MYBBP1A: variants seen among roughly 807,000 people sequenced by gnomAD.
MYBBP1A encodes the protein MYB binding protein 1a.
Under a neutral mutation model 136.3 loss-of-function variants are expected in MYBBP1A, and 147 were observed. The ratio of observed to expected loss-of-function variants is 1.08; its 90% CI spans 0.94 to 1.24. The LOEUF is 1.24. MYBBP1A is among the 50% of genes most tolerant of loss of function. The probability of loss-of-function intolerance (pLI) is 0.00; values close to 1 mark genes in which losing one functional copy is unlikely to be tolerated. For synonymous variants in MYBBP1A, 947 were observed against 735.8 expected (o/e 1.29, Z -4.65); for missense variants, 2,060 against 1,727.4 (o/e 1.19, Z -3.41).
At chr17:4,541,307 C>T (rs544711113) in intron 24 of MYBBP1A, among the ~76,000 whole-genome samples, 156 bp downstream of exon 24, 47 of 152,394 alleles carry the variant, frequency 3.1e-4, no homozygotes, top group African/African-American at 1.1e-3. Flanking sequence ...GGTAACTGCC[C>T]AAATGGCAGC....
Position 4,539,214 on chromosome 17 carries a change from C to G in MYBBP1A, c.*201G>C, listed in dbSNP as rs1906096538. On this transcript the variant is annotated 3_prime_UTR_variant, in exon 26 of 26. Coordinates refer to ENST00000254718, the MANE Select transcript of MYBBP1A (RefSeq NM_014520.4). ...CCCAGAACCGGGGGTGGGGAGGTCT[C>G]TGCACCCTGGGACCCCTGCAGGAAT... 2.8e-5 allele frequency: 41 copies of G among 1,458,066 alleles called. No homozygotes were observed. Among genetic ancestry groups the G allele is most frequent in the Non-Finnish European group, 3.6e-5 (40 of 1,115,408 alleles). The allele number at this position is 1,458,066 out of a possible 1,614,324, so 90.3% of individuals were successfully genotyped here. A position where few individuals can be genotyped will look rare whatever the true frequency, so the allele number is the denominator to read the frequency against.
Position 4,555,370 on chromosome 17 carries a change from A to G in MYBBP1A, c.-46T>C, listed in dbSNP as rs1210581003. On this transcript the variant is annotated 5_prime_UTR_variant, in exon 1 of 26. Coordinates refer to ENST00000254718, the MANE Select transcript of MYBBP1A (RefSeq NM_014520.4). ...CACGAAACACGTGTGCTCCGGCCCC[A>G]GCCGCTTCCAGGTCAGGGCACGGCG... 1.3e-6 allele frequency: 2 copies of G among 1,554,068 alleles called. No individual in the cohort carries two copies. The highest frequency in any genetic ancestry group is 1.7e-6 in the Non-Finnish European group (2 of 1,148,392).
rs1392357426 is a variant in MYBBP1A, at chr17:4,539,494, G to A, written c.3908C>T (p.Ser1303Phe). The A allele has an allele frequency of 1.2e-6, 2 of 1,614,066 alleles. No homozygotes were observed. The highest frequency in any genetic ancestry group is 1.3e-5 in the African/African-American group (1 of 74,932). Reference protein sequence around the residue: ...SALARKKARLSLVIRSPSLLQ... With the variant: ...SALARKKARLFLVIRSPSLLQ... ...CAGGCTGGGACTCCTGATGACCAAA[G>A]ACAGCCTTGCCTTTTTCCGTGCCAG... is the stretch of plus-strand genomic sequence containing the variant. Residue 1303 changes from serine to phenylalanine, a missense_variant, in exon 26 of 26, where the codon TCT (serine) becomes TTT (phenylalanine). Coordinates refer to ENST00000254718, the MANE Select transcript of MYBBP1A (RefSeq NM_014520.4).
In MYBBP1A at chr17:4,552,219, G is replaced by A. The variant is rs767519717; in HGVS notation, c.811C>T (p.Leu271=). 45 of 1,614,098 alleles carry A rather than the reference G, an allele frequency of 2.8e-5. 1 individual carries two copies. In the African/African-American group the frequency reaches 5.2e-4, roughly 19 times the overall value. Reference sequence around the variant, plus strand: ...TCTTCCTTGAGTGCCAGGCGGAGCAGGTCCAGAGCAATGGCGGGCAGCTTG... The same window carrying A: ...TCTTCCTTGAGTGCCAGGCGGAGCAAGTCCAGAGCAATGGCGGGCAGCTTG... ...DRKLPAIALD[L]LRLALKEDKF... is the part of the protein sequence containing the mutation. Residue 271 remains leucine (L), a synonymous_variant, in exon 7 of 26, where the codon CTG becomes TTG. Transcript: ENST00000254718. This position sits in a 1 kb window ranked among gnomAD's most constrained non-coding sequence, Gnocchi z 4.7.
Position 4,551,878 on chromosome 17 carries a change from A to T in MYBBP1A, c.1023+2T>A. On this transcript the variant is annotated splice_donor_variant, in intron 8 of 25. Coordinates refer to ENST00000254718, the MANE Select transcript of MYBBP1A (RefSeq NM_014520.4). LOFTEE classifies it high-confidence loss of function. ...GTGTCGAGCTGCACGGGCATTACCC[A>T]CCTTAGCAGTGCACACGTGCTCCCC... The T allele has an allele frequency of 6.2e-7, 1 of 1,612,198 alleles. No individual in the cohort carries two copies. Among genetic ancestry groups the T allele is most frequent in the South Asian group, 1.1e-5 (1 of 90,936 alleles).
chr17:4,547,654 TA>T, intron 13 of MYBBP1A: 6 of 326,228 alleles, frequency 1.8e-5, no homozygotes, highest in Admixed American at 4.5e-5. Flanking sequence ...CAGCAGGGGG[TA>T]CAGTGCAAGC....
At chr17:4,545,549 G>A (rs1420631332) in intron 15 of MYBBP1A, 61 bp downstream of exon 15, 3 of 1,531,244 alleles carry the variant, frequency 2.0e-6, no homozygotes, top group Non-Finnish European at 2.6e-6. Flanking sequence ...CGGCACCCCT[G>A]GTGCAGCTCG....
rs375660173 is a variant in MYBBP1A at position 4,544,720 on chromosome 17, G to A, written c.2481+31C>T. On this transcript the variant is annotated intron_variant, in intron 18 of 25. Transcript: ENST00000254718. ...GGCGGGGGTGGGCGCACAGGGAGGC[G>A]GGGGTGGGTGCGGCCCGCCCCCAGG... is the stretch of plus-strand genomic sequence containing the variant. 2.4e-4 allele frequency: 357 copies of A among 1,506,186 alleles called. 3 individuals carry two copies. Among genetic ancestry groups the A allele is most frequent in the Middle Eastern group, 9.0e-4 (5 of 5,550 alleles). 93.3% of individuals were successfully genotyped at this position (1,506,186 alleles called of 1,614,324 possible).
At position 4,539,505 on chromosome 17, in the gene MYBBP1A, C is replaced by A; in HGVS notation, c.3897G>T (p.Lys1299Asn). 6.2e-7 allele frequency: 1 copy of A among 1,614,174 alleles called. No individual in the cohort carries two copies. Among genetic ancestry groups the A allele is most frequent in the African/African-American group, 1.3e-5 (1 of 75,040 alleles). The change falls in exon 26 of 26, where the codon AAG becomes AAT. Residue 1299 changes from lysine (K) to asparagine (N), a missense_variant. Physicochemically the swap from Lys to Asn is moderately conservative, Grantham distance 94. Transcript: ENST00000254718. ...TCCTGATGACCAAAGACAGCCTTGC[C>A]TTTTTCCGTGCCAGCGCGGACAGTG... ...KSPLSALARKKARLSLVIRSP... is the reference protein window; with the variant it reads ...KSPLSALARKNARLSLVIRSP...
At chr17:4,549,122 A>AACCTTTTAGGCCCCTGCAGCTGGGGT (rs1907276851) in intron 10 of MYBBP1A, among the ~76,000 whole-genome samples, 1 of 152,156 alleles carries the variant, frequency 6.6e-6, no homozygotes, top group African/African-American at 2.4e-5. Flanking sequence ...AGCACACCTG[A>AACCTTTTAGGCCCCTGCAGCTGGGGT]ACCTTTTAGG....
At chr17:4,541,984 T>G (rs755274634) in intron 22 of MYBBP1A, 93 bp from the exon 23 acceptor site, 2 of 919,800 alleles carry the variant, frequency 2.2e-6, no homozygotes, top group Non-Finnish European at 3.4e-6. Flanking sequence ...CGCTGGGCAC[T>G]GCTGTGGGCA....
chr17:4,554,348 A>C (rs1907833880), intron 2 of MYBBP1A, 70 bp from the exon 3 acceptor site: 1 of 1,369,494 alleles, frequency 7.3e-7, no homozygotes, highest in Non-Finnish European at 1.0e-6. Flanking sequence ...CACAAACCTT[A>C]ACCTCCCTTC....
At position 4,544,847 on chromosome 17, in the gene MYBBP1A, G is replaced by C; in HGVS notation, c.2385C>G (p.Ser795Arg). Residue 795 changes from serine to arginine, a missense_variant, in exon 18 of 26, where the codon AGC (serine) becomes AGG (arginine). Coordinates refer to ENST00000254718, the MANE Select transcript of MYBBP1A (RefSeq NM_014520.4). ...AMMALDQSLA[S>R]LFAEQKLRIQ... is the part of the protein sequence containing the mutation. ...TACGCAGCTTCTGCTCGGCAAAGAG[G>C]CTGGCGAGGCTCTGGTCCAGGGCCA... is the stretch of plus-strand genomic sequence containing the variant. 1 of 1,607,300 alleles carries C rather than the reference G, an allele frequency of 6.2e-7. No homozygotes were observed. The highest frequency in any genetic ancestry group is 8.5e-7 in the Non-Finnish European group (1 of 1,177,550).
intron 13 of MYBBP1A, 87 bp downstream of exon 13, chr17:4,547,871 C>G (rs925810220): frequency 3.4e-6 from 4 of 1,187,198 alleles, no homozygotes; most frequent in African/African-American, 1.6e-5. Flanking sequence ...CCTGGAAACC[C>G]GCACAGCCCT....
At chr17:4,547,305 T>G (rs1245416577) in intron 13 of MYBBP1A, among the ~76,000 whole-genome samples, 2 of 152,160 alleles carry the variant, frequency 1.3e-5, no homozygotes, top group African/African-American at 2.4e-5. Context: ...AGGCTCCACA[T>G]GTGTCCTGGA....
At position 4,540,456 on chromosome 17, in the gene MYBBP1A, A is replaced by G. The variant is rs1272705108; in HGVS notation, c.3326T>C (p.Leu1109Pro). 8.1e-6 allele frequency: 13 copies of G among 1,610,598 alleles called. No homozygotes were observed. Among genetic ancestry groups the G allele is most frequent in the Non-Finnish European group, 1.1e-5 (13 of 1,179,516 alleles). ...CTGCTGTTGCCCCTGCAGCACACCC[A>G]GGAGCACCGTCAGGTCCAAGGTCAG... is the stretch of plus-strand genomic sequence containing the variant. ...EKLTLDLTVL[L>P]GVLQGQQQSL... The change falls in exon 25 of 26, where the codon CTG (leucine) becomes CCG (proline). Residue 1109 changes from leucine to proline, a missense_variant. Physicochemically the swap from Leu to Pro is moderately conservative, Grantham distance 98. Coordinates refer to ENST00000254718, the MANE Select transcript of MYBBP1A (RefSeq NM_014520.4).
intron 13 of MYBBP1A, 60 bp downstream of exon 13, chr17:4,547,898 G>A: frequency 7.5e-7 from 1 of 1,340,278 alleles, no homozygotes; most frequent in Non-Finnish European, 9.9e-7. Context: ...CCTCTCGGTA[G>A]GGGGCCCATT....
intron 8 of MYBBP1A, among the ~76,000 whole-genome samples, chr17:4,551,315 C>A (rs1907482345): frequency 6.6e-6 from 1 of 152,248 alleles, no homozygotes; most frequent in African/African-American, 2.4e-5. Flanking sequence ...CTGTTCTCAT[C>A]ACTGCCACAT....
rs747135749 is a variant in MYBBP1A, at chr17:4,552,199, C to T, written c.831G>A (p.Lys277=). 6.2e-7 allele frequency: 1 copy of T among 1,614,236 alleles called. No homozygotes were observed. The highest frequency in any genetic ancestry group is 1.7e-5 in the Admixed American group (1 of 60,036). The change falls in exon 7 of 26, where the codon AAG becomes AAA. Residue 277 remains lysine (K), a synonymous_variant. Coordinates refer to ENST00000254718, the MANE Select transcript of MYBBP1A (RefSeq NM_014520.4). The surrounding 1 kb of genome is among the most constrained non-coding windows in gnomAD (Gnocchi z 4.7). The part of the protein sequence containing the change: ...IALDLLRLAL[K]EDKFPRFWKE... Reference sequence around the variant, plus strand: ...TCCAGAACCGTGGGAACTTGTCTTCCTTGAGTGCCAGGCGGAGCAGGTCCA... The same window carrying T: ...TCCAGAACCGTGGGAACTTGTCTTCTTTGAGTGCCAGGCGGAGCAGGTCCA...
Sources: allele counts gnomAD v4.1 joint callset (sites outside exome capture counted in the v4.1 genomes callset), GRCh38; gene constraint gnomAD v4.1.1; non-coding constraint Gnocchi (gnomAD v3.1); transcripts MANE v1.5; gene names NCBI Gene and HGNC (gene_info 2026-07-23, HGNC 2026-07-21).